The following VPS13A variants were observed in gnomAD, a reference collection of about 807,000 sequenced individuals.
VPS13A encodes vacuolar protein sorting 13 homolog A.
In VPS13A, 264 loss-of-function variants were observed where a neutral mutation model predicts 390.9. The ratio of observed to expected loss-of-function variants is 0.68; its 90% CI spans 0.61 to 0.75. The LOEUF is 0.75. Among genes scored for constraint, VPS13A ranks in the 30% least tolerant of loss-of-function variants. VPS13A has a pLI of 0.00. For missense variants in VPS13A, 3,409 were observed against 3,733.9 expected, an observed-to-expected ratio of 0.91 and a Z score of 2.27; for synonymous variants, 1,231 against 1,227.1, an observed-to-expected ratio of 1.00 and a Z score of -0.07.
intron 10 of VPS13A, among the ~76,000 whole-genome samples, chr9:77,215,212 CTTAA>C (rs543899213): frequency 1.4e-4 from 22 of 152,282 alleles, no homozygotes; most frequent in Non-Finnish European, 2.9e-4. Context: ...TGATGGATAA[CTTAA>C]TTATTGAATT....
At chr9:77,378,719 T>G (rs1833250547) in intron 67 of VPS13A, among the ~76,000 whole-genome samples, 1 of 151,970 alleles carries the variant, frequency 6.6e-6, no homozygotes, top group African/African-American at 2.4e-5. Context: ...TTTTATTATT[T>G]TCTTCCTTCT....
intron 1 of VPS13A, among the ~76,000 whole-genome samples, chr9:77,192,790 A>G (rs1371117807): frequency 6.6e-6 from 1 of 151,760 alleles, no homozygotes; most frequent in Non-Finnish European, 1.5e-5. Flanking sequence ...TTTCACATTG[A>G]CCTTGGAGAA....
chr9:77,345,206 T>C (rs761271816), intron 52 of VPS13A, 64 bp downstream of exon 52: 4 of 1,541,532 alleles, frequency 2.6e-6, no homozygotes, highest in Non-Finnish European at 3.6e-6. Context: ...GCACAGTTTT[T>C]TTTGATAATT....
intron 5 of VPS13A, among the ~76,000 whole-genome samples, chr9:77,206,796 T>C (rs548040765): frequency 4.3e-4 from 65 of 152,276 alleles, no homozygotes; most frequent in African/African-American, 1.5e-3. Context: ...ATTTAATAGT[T>C]AAACATCTTA....
chr9:77,281,756 T>C lies in VPS13A; in HGVS notation c.2905-111T>C. The C allele has an allele frequency of 1.6e-5, 10 of 615,124 alleles. No homozygotes were observed. The South Asian group carries it at 1.8e-4, about 11-fold the overall frequency. 38.1% of individuals were successfully genotyped at this position (615,124 alleles called of 1,614,324 possible). ...GTATATGTGTATATATATATATATA[T>C]ATGTATATGAACAGCTGGAAAATTA... is the stretch of plus-strand genomic sequence containing the variant. On this transcript the variant is annotated intron_variant, in intron 27 of 71. Coordinates refer to ENST00000360280, the MANE Select transcript of VPS13A (RefSeq NM_033305.3).
chr9:77,409,612 A>G (rs1432820023), intron 71 of VPS13A, among the ~76,000 whole-genome samples: 1 of 151,956 alleles, frequency 6.6e-6, no homozygotes, highest in Non-Finnish European at 1.5e-5. Context: ...AAAGGACCTG[A>G]TGGAGCTGAA....
chr9:77,255,039 G>A (rs2131279911), intron 22 of VPS13A, among the ~76,000 whole-genome samples: 1 of 152,234 alleles, frequency 6.6e-6, no homozygotes, highest in Admixed American at 6.5e-5. Flanking sequence ...TTGAATAGAA[G>A]TAGTTTAGGT....
At chr9:77,232,356 A>G (rs564660442) in intron 17 of VPS13A, among the ~76,000 whole-genome samples, 3 of 152,306 alleles carry the variant, frequency 2.0e-5, no homozygotes, top group African/African-American at 7.2e-5. Flanking sequence ...TTTTGGTAGT[A>G]TTGCCATAAT....
chr9:77,409,064 A>G lies in VPS13A; in HGVS notation c.9474+1457A>G, dbSNP rs139648442. On this transcript the variant is annotated intron_variant, in intron 71 of 71. Transcript: ENST00000360280. ...ACCCCCCAAGTAGGGGCAGACTGAC[A>G]CCTCACACGGCCAGGTACTCCTCTG... Among the ~76,000 whole-genome samples the G allele has an allele frequency of 5.7e-3, 871 of 152,304 alleles. 12 individuals carry two copies. Among genetic ancestry groups the G allele is most frequent in the African/African-American group, 0.02 (841 of 41,576 alleles).
intron 31 of VPS13A, 123 bp from the exon 32 acceptor site, chr9:77,293,218 T>G (rs2131371520): frequency 2.3e-6 from 2 of 856,234 alleles, no homozygotes; most frequent in Middle Eastern, 3.6e-4. Flanking sequence ...TCATTTGTAC[T>G]TGGCTTGTGA....
At chr9:77,348,242 G>A (rs576789679) in intron 52 of VPS13A, among the ~76,000 whole-genome samples, 11 of 152,194 alleles carry the variant, frequency 7.2e-5, no homozygotes, top group African/African-American at 2.7e-4. Context: ...ATCAACGATA[G>A]ACTGGATGAA....
chr9:77,202,982 G>A (rs1304577544), intron 3 of VPS13A, among the ~76,000 whole-genome samples: 2 of 152,024 alleles, frequency 1.3e-5, no homozygotes, highest in Admixed American at 6.5e-5. Flanking sequence ...ACATTACTTG[G>A]TATATATAGT....
Position 77,228,225 on chromosome 9 carries a change from G to A in VPS13A, c.1556G>A (p.Ser519Asn), listed in dbSNP as rs1182016581. The A allele has an allele frequency of 3.7e-6, 6 of 1,602,582 alleles. No homozygotes were observed. Among genetic ancestry groups the A allele is most frequent in the Non-Finnish European group, 4.3e-6 (5 of 1,174,066 alleles). The stretch of plus-strand genomic sequence containing the variant: ...GTAGATATTGTAATAGAAGAATTTA[G>A]CACCTTAATTGTGCAAAGACCAGGA... ...ELVDIVIEEF[S>N]TLIVQRPGAQ... Residue 519 changes from serine to asparagine, a missense_variant, in exon 17 of 72, where the codon AGC becomes AAC. This residue lies in a region of VPS13A where 2,717 missense variants were observed against 2,917.4 expected (regional missense o/e 0.93). Transcript: ENST00000360280.
chr9:77,272,951 G>A (rs908032758), intron 23 of VPS13A, among the ~76,000 whole-genome samples: 1 of 152,148 alleles, frequency 6.6e-6, no homozygotes, highest in African/African-American at 2.4e-5. Context: ...GAGGCTTTAA[G>A]TATTGTGACT....
chr9:77,302,144 G>A (rs1828406035), intron 33 of VPS13A, among the ~76,000 whole-genome samples: 1 of 151,870 alleles, frequency 6.6e-6, no homozygotes, highest in Non-Finnish European at 1.5e-5. Context: ...TTTTAGTAGA[G>A]ATGGGATTTC....
In VPS13A at chr9:77,332,263, G is replaced by A. The variant is rs371229005; in HGVS notation, c.6095+150G>A. The A allele has an allele frequency of 1.4e-3, 843 of 620,122 alleles. 13 individuals are homozygous for A. Among genetic ancestry groups the A allele is most frequent in the South Asian group, 0.013 (650 of 50,206 alleles). The allele number at this position is 620,122 out of a possible 1,614,324, so 38.4% of individuals were successfully genotyped here. On this transcript the variant is annotated intron_variant, in intron 46 of 71. Transcript: ENST00000360280. ...AGTGCACTTAGATCTTAAAAAAGAA[G>A]TATTATTTAATTTATTGTAATAACT...
chr9:77,394,264 A>G (rs1834028860), intron 68 of VPS13A, among the ~76,000 whole-genome samples: 2 of 149,950 alleles, frequency 1.3e-5, no homozygotes, highest in Non-Finnish European at 3.0e-5. Flanking sequence ...ATGGGGTTTC[A>G]CCATGTTGCC....
intron 34 of VPS13A, among the ~76,000 whole-genome samples, chr9:77,306,255 T>C (rs561600079): frequency 1.3e-5 from 2 of 152,186 alleles, no homozygotes; most frequent in Non-Finnish European, 2.9e-5. Flanking sequence ...ACTTGTTAAA[T>C]ATTGTGGGAT....
chr9:77,283,854 C>CT (rs1564694396), intron 31 of VPS13A, among the ~76,000 whole-genome samples: 1 of 151,858 alleles, frequency 6.6e-6, no homozygotes, highest in African/African-American at 2.4e-5. Flanking sequence ...ATCTTGGACT[C>CT]TGTTTCTTTA....
Sources: allele counts gnomAD v4.1 joint callset (sites outside exome capture counted in the v4.1 genomes callset), GRCh38; gene constraint gnomAD v4.1.1; regional missense constraint gnomAD v4.1.1; transcripts MANE v1.5; gene names NCBI Gene and HGNC (gene_info 2026-07-23, HGNC 2026-07-21).